MYO5B: variants seen among roughly 807,000 people sequenced by gnomAD.
MYO5B encodes myosin VB, also known as unconventional myosin-Vb.
MYO5B carries 143 observed loss-of-function variants against 229.3 expected under a neutral mutation model. The ratio of observed to expected loss-of-function variants is 0.62; its 90% confidence interval spans 0.54 to 0.72. MYO5B has a LOEUF of 0.72. Among genes scored for constraint, MYO5B ranks in the 30% least tolerant of loss-of-function variants. The probability of loss-of-function intolerance (pLI) is 0.00; values close to 1 mark genes in which losing one functional copy is unlikely to be tolerated. For missense variants in MYO5B, 2,321 were observed against 2,331.0 expected (o/e 1.00, Z 0.09); for synonymous variants, 918 against 885.2 (o/e 1.04, Z -0.66).
At chr18:49,847,553 G>A (rs751467098) in intron 32 of MYO5B, among the ~76,000 whole-genome samples, 36 of 152,250 alleles carry the variant, frequency 2.4e-4, no homozygotes, top group Non-Finnish European at 4.6e-4. Context: ...CTGGATAGGG[G>A]AGAGGAAACA....
intron 1 of MYO5B, among the ~76,000 whole-genome samples, chr18:50,154,702 C>T (rs1269902537): frequency 6.6e-6 from 1 of 152,156 alleles, no homozygotes; most frequent in Non-Finnish European, 1.5e-5. Context: ...CTAATTGGGA[C>T]AGGATGACAC....
chr18:50,138,124 C>T (rs189627117), intron 1 of MYO5B, among the ~76,000 whole-genome samples: 1 of 152,238 alleles, frequency 6.6e-6, no homozygotes, highest in Non-Finnish European at 1.5e-5. Context: ...AAAATATATA[C>T]CCGTGAACAT....
In MYO5B at chr18:50,145,497, C is replaced by CAAAAAAAAAAAAAAAAAAAA. The variant is rs369507800; in HGVS notation, c.27+49250_27+49269dup. ...TGGGCAACAGAGCAAGACTCCATCT[C>CAAAAAAAAAAAAAAAAAAAA]AAAAAAAAAAAAAAAAAAAAAAAAA... is the stretch of plus-strand genomic sequence containing the variant. On this transcript the variant is annotated intron_variant, in intron 1 of 39. Transcript: ENST00000285039. 8.6e-5 allele frequency among the ~76,000 whole-genome samples: 6 copies of CAAAAAAAAAAAAAAAAAAAA among 70,010 alleles called. 1 individual carries two copies. Among genetic ancestry groups the CAAAAAAAAAAAAAAAAAAAA allele is most frequent in the African/African-American group, 3.5e-4 (6 of 17,264 alleles). 45.9% of individuals were successfully genotyped at this position (70,010 alleles called of 152,430 possible).
At chr18:50,179,572 G>T (rs1427260303) in intron 1 of MYO5B, among the ~76,000 whole-genome samples, 1 of 152,100 alleles carries the variant, frequency 6.6e-6, no homozygotes, top group Non-Finnish European at 1.5e-5. Flanking sequence ...ACTCAGAAAG[G>T]GCATTAAAAC....
At chr18:49,841,237 G>T in intron 35 of MYO5B, 128 bp downstream of exon 35, 1 of 848,814 alleles carries the variant, frequency 1.2e-6, no homozygotes, top group Non-Finnish European at 2.0e-6. Flanking sequence ...ATGATAAGGT[G>T]TGCCCACGGT....
At chr18:50,041,474 T>TAC (rs2030012719) in intron 2 of MYO5B, among the ~76,000 whole-genome samples, 1 of 152,098 alleles carries the variant, frequency 6.6e-6, no homozygotes, top group Non-Finnish European at 1.5e-5. Context: ...AAATCAAGTG[T>TAC]AGTAGATACA....
intron 20 of MYO5B, 30 bp from the exon 21 acceptor site, chr18:49,902,863 G>A (rs1481031097): frequency 1.3e-6 from 2 of 1,596,768 alleles, no homozygotes; most frequent in Non-Finnish European, 1.7e-6. Context: ...CACATCTTGT[G>A]GGTTTGCACT....
chr18:50,147,154 C>T (rs1251253578), intron 1 of MYO5B, among the ~76,000 whole-genome samples: 2 of 152,118 alleles, frequency 1.3e-5, no homozygotes, highest in African/African-American at 2.4e-5. Flanking sequence ...AGCTCACAGG[C>T]CAACCCTACC....
intron 1 of MYO5B, among the ~76,000 whole-genome samples, chr18:50,188,812 A>C (rs148818039): frequency 0.5 from 73,090 of 144,818 alleles, 19,240 homozygotes; most frequent in Admixed American, 0.6. Flanking sequence ...AAAAAAAAAA[A>C]AAAAACACAC....
chr18:50,156,631 A>T (rs2032683454), intron 1 of MYO5B, among the ~76,000 whole-genome samples: 1 of 152,224 alleles, frequency 6.6e-6, no homozygotes, highest in Non-Finnish European at 1.5e-5. Context: ...TGTCTTTATT[A>T]GCAGTGTGAG....
At chr18:50,010,640 C>G (rs1369634061) in intron 4 of MYO5B, among the ~76,000 whole-genome samples, 1 of 152,178 alleles carries the variant, frequency 6.6e-6, no homozygotes, top group Non-Finnish European at 1.5e-5. Flanking sequence ...ATTCAGAAAG[C>G]TGCAGGTTTA....
rs1410735754 is a variant in MYO5B, at chr18:49,854,177, CATTTT to C, written c.4023-535_4023-531del. Among the ~76,000 whole-genome samples the C allele has an allele frequency of 4.6e-5, 7 of 152,312 alleles. No homozygotes were observed. In the South Asian group the frequency reaches 1.2e-3, roughly 27 times the overall value. ...TTATCTTTACCATTATTACTAGCCC[CATTTT>C]ATTTTATACATACAATTATTGCATA... On this transcript the variant is annotated intron_variant, in intron 30 of 39. Transcript: ENST00000285039.
At chr18:50,003,099 C>T (rs556293491) in intron 4 of MYO5B, among the ~76,000 whole-genome samples, 7 of 152,058 alleles carry the variant, frequency 4.6e-5, no homozygotes, top group Non-Finnish European at 1.0e-4. Context: ...AGGTGGGAGC[C>T]GAAGGCAGAG....
At chr18:49,927,293 T>C (rs1402334708) in intron 17 of MYO5B, among the ~76,000 whole-genome samples, 2 of 151,634 alleles carry the variant, frequency 1.3e-5, no homozygotes, top group African/African-American at 2.4e-5. Flanking sequence ...ATGACCATAC[T>C]GCCAAAAGCC....
At chr18:50,128,466 C>T (rs774659969) in intron 1 of MYO5B, among the ~76,000 whole-genome samples, 26 of 152,186 alleles carry the variant, frequency 1.7e-4, no homozygotes, top group Admixed American at 1.6e-3. Context: ...AGTGATCCCA[C>T]ATGGATAAGC....
chr18:49,928,186 A>T lies in MYO5B; in HGVS notation c.2090+1326T>A, dbSNP rs146417160. On this transcript the variant is annotated intron_variant, in intron 17 of 39. Coordinates refer to ENST00000285039, the MANE Select transcript of MYO5B (RefSeq NM_001080467.3). ...AAATGCAAATCAAAACCACAAGGGGATACCACCTTACTCCTGCAAGAATGG... is the reference window on the plus strand; with the variant it reads ...AAATGCAAATCAAAACCACAAGGGGTTACCACCTTACTCCTGCAAGAATGG... Among the ~76,000 whole-genome samples the T allele has an allele frequency of 3.3e-3, 499 of 152,362 alleles. 5 individuals are homozygous for T. Among genetic ancestry groups the T allele is most frequent in the African/African-American group, 0.01 (429 of 41,584 alleles).
rs1226230755 is a variant in MYO5B at position 49,863,337 on chromosome 18, C to T, written c.3844-10G>A. 2 of 1,612,438 alleles carry T rather than the reference C, an allele frequency of 1.2e-6. No homozygotes were observed. The highest frequency in any genetic ancestry group is 2.2e-5 in the South Asian group (2 of 90,990). On this transcript the variant is annotated splice_polypyrimidine_tract_variant and intron_variant, in intron 28 of 39. Transcript: ENST00000285039. ...CATTAATGTTCGGCTCCTAGAAAGC[C>T]CCAGATAAAAAAATAACTCTGGTTA...
intron 1 of MYO5B, among the ~76,000 whole-genome samples, chr18:50,077,169 A>T (rs574741818): frequency 0.023 from 192 of 8,182 alleles, no homozygotes; most frequent in East Asian, 0.089. Flanking sequence ...GTGGCAAAGT[A>T]AAAAAAAAAA....
At chr18:50,056,448 G>A (rs1427098005) in intron 1 of MYO5B, among the ~76,000 whole-genome samples, 2 of 152,166 alleles carry the variant, frequency 1.3e-5, no homozygotes, top group Admixed American at 6.5e-5. Flanking sequence ...AACAATTTCT[G>A]CATTTTCATC....
Sources: gnomAD v4.1 joint callset for allele counts (sites outside exome capture counted in the v4.1 genomes callset) on GRCh38, gnomAD v4.1.1 for gene constraint, MANE v1.5 for transcripts, NCBI Gene and HGNC (gene_info 2026-07-23, HGNC 2026-07-21) for gene names.